The following ZNF507 variants were observed in gnomAD, a reference collection of about 807,000 sequenced individuals.
ZNF507 encodes the protein zinc finger protein 507.
ZNF507 carries 29 observed loss-of-function variants against 80.0 expected under a neutral mutation model. The observed-to-expected ratio is 0.36, with a 90% CI of 0.27 to 0.49. ZNF507 has a LOEUF of 0.49. ZNF507 is among the 20% of genes least tolerant of loss of function. The pLI is 0.98. For synonymous variants in ZNF507, 462 were observed against 422.5 expected (o/e 1.09, Z -1.15); for missense variants, 1,081 against 1,152.2 (o/e 0.94, Z 0.90).
At position 32,347,312 on chromosome 19, in the gene ZNF507, T is replaced by C. The variant is rs184010864; in HGVS notation, c.-29T>C. The stretch of plus-strand genomic sequence containing the variant: ...GAATTGATTTGAAAGACACTGGCTC[T>C]GCCACTTAACAGCCATGTAACCTTG... On this transcript the variant is annotated 5_prime_UTR_variant, in exon 2 of 7. Transcript: ENST00000355898. The C allele has an allele frequency of 1.8e-4, 27 of 152,716 alleles. No individual in the cohort carries two copies. The East Asian group carries it at 5.0e-3, about 28-fold the overall frequency. The allele number at this position is 152,716 out of a possible 1,614,324, so 9.5% of individuals were successfully genotyped here.
rs748761066 is a variant in ZNF507, at chr19:32,354,853, G to A, written c.2023G>A (p.Glu675Lys). Residue 675 changes from glutamate to lysine, a missense_variant, in exon 3 of 7, where the codon GAG (glutamate) becomes AAG (lysine). Glu to Lys is a moderately conservative substitution (Grantham distance 56). This residue lies in a region of ZNF507 where 614 missense variants were observed against 583.9 expected (regional missense o/e 1.05). Coordinates refer to ENST00000355898, the MANE Select transcript of ZNF507 (RefSeq NM_001136156.2). ...ACAGCCTTATCAGTGTCCTATCTGC[G>A]AGCACATAGCGGACAACAGCAAAGA... Reference protein sequence around the residue: ...QRQPYQCPICEHIADNSKDLE... With the variant: ...QRQPYQCPICKHIADNSKDLE... 16 of 1,613,980 alleles carry A rather than the reference G, an allele frequency of 9.9e-6. No individual in the cohort carries two copies. The highest frequency in any genetic ancestry group is 4.5e-5 in the East Asian group (2 of 44,886).
rs1967706418 is a variant in ZNF507 at position 32,387,636 on chromosome 19, G to A, written c.*4553G>A. 6.6e-6 allele frequency: 1 copy of A among 152,182 alleles called. No homozygotes were observed. The highest frequency in any genetic ancestry group is 2.1e-4 in the South Asian group (1 of 4,828). 9.4% of individuals were successfully genotyped at this position (152,182 alleles called of 1,614,324 possible). A position where few individuals can be genotyped will look rare whatever the true frequency, so the allele number is the denominator to read the frequency against. ...TTTTATATTGATTACATGTTGAAATGATATTTTGGTTTAAATAAAATATTA... is the reference window on the plus strand; with the variant it reads ...TTTTATATTGATTACATGTTGAAATAATATTTTGGTTTAAATAAAATATTA... On this transcript the variant is annotated 3_prime_UTR_variant, in exon 7 of 7. Coordinates refer to ENST00000355898, the MANE Select transcript of ZNF507 (RefSeq NM_001136156.2).
intron 4 of ZNF507, 35 bp downstream of exon 4, chr19:32,356,768 C>G: frequency 3.9e-6 from 6 of 1,530,578 alleles, no homozygotes; most frequent in Non-Finnish European, 5.4e-6. Context: ...GCTGCAGTGA[C>G]TTGCACATGA....
At chr19:32,364,555 A>T (rs895057487) in intron 5 of ZNF507, among the ~76,000 whole-genome samples, 1 of 152,172 alleles carries the variant, frequency 6.6e-6, no homozygotes, top group African/African-American at 2.4e-5. Context: ...CTCATAGCTT[A>T]GCTCCCACGT....
At chr19:32,364,437 C>T (rs780203724) in intron 5 of ZNF507, among the ~76,000 whole-genome samples, 2 of 152,050 alleles carry the variant, frequency 1.3e-5, no homozygotes, top group African/African-American at 2.4e-5. Flanking sequence ...ATCCATCACC[C>T]GAGCAGTATA....
intron 5 of ZNF507, among the ~76,000 whole-genome samples, chr19:32,369,299 T>C (rs1599554752): frequency 6.6e-6 from 1 of 152,200 alleles, no homozygotes; most frequent in East Asian, 1.9e-4. Flanking sequence ...GCAATCACAC[T>C]GTTAGGGTGT....
At chr19:32,380,701 C>G (rs1967612086) in intron 5 of ZNF507, 1 of 1,335,156 alleles carries the variant, frequency 7.5e-7, no homozygotes, top group African/African-American at 1.4e-5. Context: ...TTGCAGTTTC[C>G]TAAAAAGATG....
In ZNF507 at chr19:32,352,720, A is replaced by G. The variant is rs183623616; in HGVS notation, c.-2-109A>G. On this transcript the variant is annotated intron_variant, in intron 2 of 6. Coordinates refer to ENST00000355898, the MANE Select transcript of ZNF507 (RefSeq NM_001136156.2). ...TGGACATGGAGCTTCCAGCTTAGAA[A>G]ATACTTAGATGAGATTACAGACACT... The G allele has an allele frequency of 1.1e-4, 111 of 966,424 alleles. 1 individual carries two copies. The East Asian group carries it at 2.6e-3, about 23-fold the overall frequency. The allele number at this position is 966,424 out of a possible 1,614,324, so 59.9% of individuals were successfully genotyped here. A position where few individuals can be genotyped will look rare whatever the true frequency, so the allele number is the denominator to read the frequency against.
chr19:32,348,039 G>C (rs1967117902), intron 2 of ZNF507, among the ~76,000 whole-genome samples: 1 of 152,154 alleles, frequency 6.6e-6, no homozygotes, highest in Non-Finnish European at 1.5e-5. Flanking sequence ...GCAGTTTCCA[G>C]GTAACTTTAT....
chr19:32,373,731 A>G (rs1232488259), intron 5 of ZNF507, among the ~76,000 whole-genome samples: 2 of 152,182 alleles, frequency 1.3e-5, no homozygotes, highest in African/African-American at 4.8e-5. Context: ...CCAATTATTT[A>G]TTTGTTCTAG....
At chr19:32,348,612 A>G (rs1213507744) in intron 2 of ZNF507, among the ~76,000 whole-genome samples, 2 of 152,374 alleles carry the variant, frequency 1.3e-5, no homozygotes, top group East Asian at 3.9e-4. Context: ...ACTGTTGTCA[A>G]GGAAAGATTT....
chr19:32,372,088 A>G (rs1038601399), intron 5 of ZNF507, among the ~76,000 whole-genome samples: 6 of 152,216 alleles, frequency 3.9e-5, no homozygotes, highest in South Asian at 2.1e-4. Context: ...GCTCTATGCT[A>G]CTTAGTAGAG....
At position 32,386,203 on chromosome 19, in the gene ZNF507, C is replaced by G. The variant is rs138551989; in HGVS notation, c.*3120C>G. ...ACCGACCGAAGCCTTTGTTCTGGATCTTTCTTCCTATTGAAGGTGGCTGCT... is the reference window on the plus strand; with the variant it reads ...ACCGACCGAAGCCTTTGTTCTGGATGTTTCTTCCTATTGAAGGTGGCTGCT... On this transcript the variant is annotated 3_prime_UTR_variant, in exon 7 of 7. Transcript: ENST00000355898. The G allele has an allele frequency of 6.5e-6, 1 of 152,708 alleles. No homozygotes were observed. Among genetic ancestry groups the G allele is most frequent in the East Asian group, 1.9e-4 (1 of 5,178 alleles). The allele number at this position is 152,708 out of a possible 1,614,324, so 9.5% of individuals were successfully genotyped here. A position where few individuals can be genotyped will look rare whatever the true frequency, so the allele number is the denominator to read the frequency against.
chr19:32,380,525 C>G, intron 5 of ZNF507: 1 of 1,341,540 alleles, frequency 7.5e-7, no homozygotes, highest in South Asian at 1.3e-5. Context: ...AGTCTTTGAC[C>G]GTATTTAATT....
At chr19:32,350,331 GC>G (rs1354655571) in intron 2 of ZNF507, among the ~76,000 whole-genome samples, 1 of 151,688 alleles carries the variant, frequency 6.6e-6, no homozygotes, top group East Asian at 1.9e-4. Flanking sequence ...TTTTATAGCT[GC>G]CATTACTGTA....
intron 5 of ZNF507, among the ~76,000 whole-genome samples, chr19:32,376,780 T>C (rs1464255851): frequency 1.3e-5 from 2 of 152,156 alleles, no homozygotes; most frequent in Non-Finnish European, 2.9e-5. Flanking sequence ...GCTGCGCTGA[T>C]ATTTATTGGA....
At chr19:32,378,246 G>A (rs555079855) in intron 5 of ZNF507, among the ~76,000 whole-genome samples, 15 of 152,034 alleles carry the variant, frequency 9.9e-5, no homozygotes, top group South Asian at 4.2e-4. Flanking sequence ...CCAGCTACTC[G>A]GGAGGCTGAG....
intron 5 of ZNF507, among the ~76,000 whole-genome samples, chr19:32,363,599 G>A (rs567487348): frequency 3.3e-5 from 5 of 152,244 alleles, no homozygotes; most frequent in South Asian, 2.1e-4. Context: ...TGCTTTTGTC[G>A]TTAATAGAAT....
At position 32,354,232 on chromosome 19, in the gene ZNF507, A is replaced by G. The variant is rs1197441165; in HGVS notation, c.1402A>G (p.Met468Val). 1.2e-6 allele frequency: 2 copies of G among 1,613,944 alleles called. No homozygotes were observed. Among genetic ancestry groups the G allele is most frequent in the African/African-American group, 2.7e-5 (2 of 74,886 alleles). The change falls in exon 3 of 7, where the codon ATG becomes GTG. Residue 468 changes from methionine to valine, a missense_variant. This residue lies in a region of ZNF507 where 614 missense variants were observed against 583.9 expected (regional missense o/e 1.05). Coordinates refer to ENST00000355898, the MANE Select transcript of ZNF507 (RefSeq NM_001136156.2). ...CAGTTCAGAGAAAAAAGACGAGTTA[A>G]TGAATAAAGGCCTGGCTACTGATGA... ...WSSSEKKDEL[M>V]NKGLATDENA...
Sources: allele counts gnomAD v4.1 joint callset (sites outside exome capture counted in the v4.1 genomes callset), GRCh38; gene constraint gnomAD v4.1.1; regional missense constraint gnomAD v4.1.1; transcripts MANE v1.5; gene names NCBI Gene and HGNC (gene_info 2026-07-23, HGNC 2026-07-21).